The following CHMP5 variants were observed in gnomAD, a reference collection of about 807,000 sequenced individuals.
CHMP5 encodes the protein SNF7 domain containing 2.
A neutral mutation model predicts 33.0 loss-of-function variants in CHMP5; 17 were observed. The observed-to-expected ratio is 0.52, with a 90% CI of 0.35 to 0.77. The LOEUF (loss-of-function observed/expected upper bound fraction) is 0.77. Among genes scored for constraint, CHMP5 ranks in the 30% least tolerant of loss-of-function variants. The pLI is 0.01. For missense variants in CHMP5, 216 were observed against 261.5 expected (o/e 0.83, Z 1.20); for synonymous variants, 76 against 90.2 (o/e 0.84, Z 0.89).
intron 7 of CHMP5, among the ~76,000 whole-genome samples, chr9:33,279,114 G>A (rs969266159): frequency 3.9e-5 from 6 of 152,108 alleles, no homozygotes; most frequent in South Asian, 4.2e-4. Flanking sequence ...TAGTAGAGAC[G>A]GGGTTTCACC....
At chr9:33,269,381 G>C (rs1820766219) in intron 3 of CHMP5, among the ~76,000 whole-genome samples, 2 of 152,190 alleles carry the variant, frequency 1.3e-5, no homozygotes, top group African/African-American at 4.8e-5. Flanking sequence ...GCATGCGCTT[G>C]TAATCCCACC....
intron 3 of CHMP5, among the ~76,000 whole-genome samples, chr9:33,270,413 C>G (rs1007225718): frequency 6.6e-6 from 1 of 152,090 alleles, no homozygotes; most frequent in South Asian, 2.1e-4. Flanking sequence ...ACTGTACATG[C>G]AAAGGAAAAA....
intron 2 of CHMP5, 23 bp downstream of exon 2, chr9:33,266,137 C>T (rs1702657): frequency 4.6e-6 from 7 of 1,527,596 alleles, no homozygotes; most frequent in Non-Finnish European, 6.3e-6. Flanking sequence ...GCAACTGCTG[C>T]ACAAGGTGCT....
chr9:33,277,326 A>G (rs1400833850), intron 6 of CHMP5, among the ~76,000 whole-genome samples: 1 of 152,052 alleles, frequency 6.6e-6, no homozygotes, highest in Non-Finnish European at 1.5e-5. Context: ...AACCTTCTCT[A>G]GCAGTGGAAG....
At chr9:33,279,499 T>C (rs995712747) in intron 7 of CHMP5, among the ~76,000 whole-genome samples, 7 of 152,040 alleles carry the variant, frequency 4.6e-5, no homozygotes, top group African/African-American at 1.4e-4. Context: ...ATGGGTTGCT[T>C]TTTCTCAGCA....
chr9:33,267,808 A>T, intron 2 of CHMP5, 45 bp from the exon 3 acceptor site: 1 of 1,330,870 alleles, frequency 7.5e-7, no homozygotes. Context: ...TTTACCGTAT[A>T]TGTGTTTTCC....
chr9:33,265,985 A>G lies in CHMP5; in HGVS notation c.70-25A>G, dbSNP rs1187254498. The G allele has an allele frequency of 2.8e-6, 4 of 1,443,470 alleles. No individual in the cohort carries two copies. In the African/African-American group the frequency reaches 5.6e-5, roughly 20 times the overall value. 89.4% of individuals were successfully genotyped at this position (1,443,470 alleles called of 1,614,324 possible). On this transcript the variant is annotated intron_variant, in intron 1 of 7. Coordinates refer to ENST00000223500, the MANE Select transcript of CHMP5 (RefSeq NM_016410.6). ...GAATAAGTGTATTGCAGTAACTACC[A>G]GTGCATTTGATATTTTCCCCTAAGG... is the stretch of plus-strand genomic sequence containing the variant.
chr9:33,276,732 A>G (rs1433225930), intron 6 of CHMP5, among the ~76,000 whole-genome samples, 168 bp downstream of exon 6: 1 of 152,236 alleles, frequency 6.6e-6, no homozygotes, highest in African/African-American at 2.4e-5. Context: ...ATCAGATTGC[A>G]TACTCCACCA....
intron 5 of CHMP5, among the ~76,000 whole-genome samples, chr9:33,273,609 T>C (rs1242529286): frequency 1.3e-5 from 2 of 152,242 alleles, no homozygotes; most frequent in Non-Finnish European, 2.9e-5. Flanking sequence ...AATATTTTCA[T>C]TGTTTTATAG....
At chr9:33,271,043 C>T (rs1820788024) in intron 4 of CHMP5, 109 bp from the exon 5 acceptor site, 1 of 869,594 alleles carries the variant, frequency 1.1e-6, no homozygotes, top group Admixed American at 2.3e-5. Context: ...TGCACTCCAG[C>T]CTGGGCAGCA....
chr9:33,266,837 C>G (rs761035016), intron 2 of CHMP5, among the ~76,000 whole-genome samples: 5 of 152,226 alleles, frequency 3.3e-5, no homozygotes, highest in Non-Finnish European at 7.3e-5. Flanking sequence ...TTCTAATACA[C>G]TGTCACTGCC....
At chr9:33,266,241 G>C in intron 2 of CHMP5, 127 bp downstream of exon 2, 1 of 534,144 alleles carries the variant, frequency 1.9e-6, no homozygotes, top group South Asian at 2.0e-5. Context: ...GGGAGGCTGA[G>C]GCGGGTGGAT....
chr9:33,268,004 A>G, intron 3 of CHMP5, 105 bp downstream of exon 3: 1 of 779,228 alleles, frequency 1.3e-6, no homozygotes, highest in East Asian at 2.6e-5. Context: ...TCTTGATTTA[A>G]TTACAAATTT....
intron 6 of CHMP5, among the ~76,000 whole-genome samples, chr9:33,277,250 A>G (rs1261204375): frequency 6.6e-6 from 1 of 151,682 alleles, no homozygotes; most frequent in Non-Finnish European, 1.5e-5. Context: ...CATCTACTCT[A>G]TGCCAGGTAC....
intron 3 of CHMP5, among the ~76,000 whole-genome samples, chr9:33,268,824 T>A (rs1357277974): frequency 1.3e-5 from 2 of 152,238 alleles, no homozygotes; most frequent in Non-Finnish European, 2.9e-5. Context: ...TTTAAAATGC[T>A]AATTTCTTCC....
intron 7 of CHMP5, among the ~76,000 whole-genome samples, chr9:33,278,618 T>C (rs745363831): frequency 6.6e-6 from 1 of 152,078 alleles, no homozygotes; most frequent in Non-Finnish European, 1.5e-5. Flanking sequence ...GGATTTTTAA[T>C]TTTATTTTCC....
At chr9:33,273,554 G>A (rs1164731232) in intron 5 of CHMP5, among the ~76,000 whole-genome samples, 1 of 151,976 alleles carries the variant, frequency 6.6e-6, no homozygotes, top group African/African-American at 2.4e-5. Flanking sequence ...TGGTTAGATC[G>A]AATTTTTTGG....
intron 6 of CHMP5, among the ~76,000 whole-genome samples, chr9:33,277,137 A>G (rs1273737575): frequency 6.8e-6 from 1 of 148,056 alleles, no homozygotes; most frequent in Non-Finnish European, 1.5e-5. Flanking sequence ...TAGAGGTTCC[A>G]GTGAGCCGAG....
intron 2 of CHMP5, among the ~76,000 whole-genome samples, chr9:33,267,406 A>ACCTTTT: frequency 6.6e-6 from 1 of 152,350 alleles, no homozygotes; most frequent in South Asian, 2.1e-4. Context: ...AAGAGGAAAG[A>ACCTTTT]TAAGGTTGAT....
Sources: gnomAD v4.1 joint callset for allele counts (sites outside exome capture counted in the v4.1 genomes callset) on GRCh38, gnomAD v4.1.1 for gene constraint, MANE v1.5 for transcripts, NCBI Gene and HGNC (gene_info 2026-07-23, HGNC 2026-07-21) for gene names.